Variants in C6 observed in about 807,000 individuals in gnomAD.
The protein encoded by C6 is complement C6, also known as complement component C6.
A neutral mutation model predicts 112.9 loss-of-function variants in C6; 101 were observed. The ratio of observed to expected loss-of-function variants is 0.89; its 90% confidence interval spans 0.76 to 1.06. The LOEUF is 1.06. C6 is among the 50% of genes least tolerant of loss of function. C6 has a pLI of 0.00. For missense variants in C6, 1,202 were observed against 1,104.6 expected (o/e 1.09, Z -1.25); for synonymous variants, 431 against 384.1 (o/e 1.12, Z -1.43).
Position 41,160,251 on chromosome 5 carries a change from T to C in C6, c.1575A>G (p.Pro525=), listed in dbSNP as rs371703886. The change falls in exon 11 of 18, where the codon CCA becomes CCG. Residue 525 remains proline, a synonymous_variant. Transcript: ENST00000337836. The part of the protein sequence containing the change: ...AAKFDPCQCA[P]CPNNGRPTLS... ...GGGTGGGTCGGCCATTATTAGGGCA[T>C]GGAGCACACTGGCAAGGATCGAACT... 37 of 1,613,778 alleles carry C rather than the reference T, an allele frequency of 2.3e-5. No individual in the cohort carries two copies. Among genetic ancestry groups the C allele is most frequent in the Non-Finnish European group, 3.1e-5 (37 of 1,179,862 alleles).
intron 6 of C6, among the ~76,000 whole-genome samples, chr5:41,182,582 A>ATCTTCAT (rs763347265): frequency 1.4e-4 from 21 of 152,148 alleles, no homozygotes; most frequent in Non-Finnish European, 2.6e-4. Context: ...TATTTCATCT[A>ATCTTCAT]TCTTCATAAG....
At chr5:41,215,086 C>T (rs1465296670), upstream of C6, among the ~76,000 whole-genome samples, 4 of 152,148 alleles carry the variant, frequency 2.6e-5, no homozygotes, top group South Asian at 4.1e-4. Context: ...ATATCTCACT[C>T]ATGAGTCCTT....
At chr5:41,246,237 G>A (rs1290968403) in intron 1 of C6, among the ~76,000 whole-genome samples, 1 of 152,004 alleles carries the variant, frequency 6.6e-6, no homozygotes, top group African/African-American at 2.4e-5. Flanking sequence ...CATGCCTCTT[G>A]GCTTCTTTGC....
intron 1 of C6, among the ~76,000 whole-genome samples, chr5:41,232,438 T>C (rs1369286842): frequency 6.6e-6 from 1 of 152,138 alleles, no homozygotes; most frequent in Non-Finnish European, 1.5e-5. Flanking sequence ...TTTCTTTCTC[T>C]GGTTTCTTGA....
rs1292109439 is a variant in C6 at position 41,153,841 on chromosome 5, T to C, written c.2259A>G (p.Pro753=). ...RYTCQGNSWT[P]PISNSLTCEK... is the part of the protein sequence containing the mutation. ...CACAGGTGAGAGAGTTTGAAATGGGTGGTGTCCAGGAATTCCCCTGGCATG... is the reference window on the plus strand; with the variant it reads ...CACAGGTGAGAGAGTTTGAAATGGGCGGTGTCCAGGAATTCCCCTGGCATG... The change falls in exon 15 of 18, where the codon CCA becomes CCG. Residue 753 remains proline (P), a synonymous_variant. Transcript: ENST00000337836. 3.7e-6 allele frequency: 6 copies of C among 1,613,144 alleles called. No individual in the cohort carries two copies. The highest frequency in any genetic ancestry group is 5.1e-6 in the Non-Finnish European group (6 of 1,179,720).
rs151245968 is a variant in C6, at chr5:41,154,548, G to GTAA, written c.2101+423_2101+424insTTA. On this transcript the variant is annotated intron_variant, in intron 14 of 17. Coordinates refer to ENST00000337836, the MANE Select transcript of C6 (RefSeq NM_000065.5). The stretch of plus-strand genomic sequence containing the variant: ...AACATGAACCAAGGAGTAGTGTCTT[G>GTAA]GCGAAAACTACGTCTTACACAAAAT... Among the ~76,000 whole-genome samples, 551 of 152,288 alleles carry GTAA rather than the reference G, an allele frequency of 3.6e-3. 4 individuals are homozygous for GTAA. The highest frequency in any genetic ancestry group is 0.013 in the African/African-American group (532 of 41,558).
chr5:41,193,821 G>C (rs1405411076), intron 5 of C6, among the ~76,000 whole-genome samples: 2 of 131,008 alleles, frequency 1.5e-5, no homozygotes, highest in African/African-American at 5.8e-5. Flanking sequence ...TTTGTGGTTA[G>C]AAATATGTTG....
intron 1 of C6, among the ~76,000 whole-genome samples, chr5:41,206,318 C>T (rs1257027704): frequency 6.6e-6 from 1 of 152,230 alleles, no homozygotes; most frequent in Non-Finnish European, 1.5e-5. Flanking sequence ...ACCTCTTCTC[C>T]TCCAAAGGAA....
At chr5:41,179,298 G>C (rs956592807) in intron 7 of C6, among the ~76,000 whole-genome samples, 2 of 152,146 alleles carry the variant, frequency 1.3e-5, no homozygotes, top group African/African-American at 4.8e-5. Flanking sequence ...ACATATAAGG[G>C]TTTTACAAAC....
In C6 at chr5:41,229,595, CAT is replaced by C. The variant is rs369823391; in HGVS notation, c.-20-26347_-20-26346del. Reference sequence around the variant, plus strand: ...GGTAAGACTTTTTTTTGTGGCCTAACATGTGATCTATTCTCAGTAACGTTCAG... The same window carrying C: ...GGTAAGACTTTTTTTTGTGGCCTAACGTGATCTATTCTCAGTAACGTTCAG... On this transcript the variant is annotated intron_variant, in intron 1 of 17. Coordinates refer to the C6 transcript ENST00000263413. Among the ~76,000 whole-genome samples the C allele has an allele frequency of 5.9e-4, 90 of 152,124 alleles. 1 individual carries two copies. The highest frequency in any genetic ancestry group is 2.1e-3 in the African/African-American group (86 of 41,516).
In C6 at chr5:41,149,424, G is replaced by T. The variant is rs1187237584; in HGVS notation, c.2440C>A (p.Pro814Thr). 1 of 1,614,084 alleles carries T rather than the reference G, an allele frequency of 6.2e-7. No individual in the cohort carries two copies. Among genetic ancestry groups the T allele is most frequent in the South Asian group, 1.1e-5 (1 of 91,076 alleles). The change falls in exon 17 of 18, where the codon CCC becomes ACC. Residue 814 changes from proline to threonine, a missense_variant. Coordinates refer to ENST00000337836, the MANE Select transcript of C6 (RefSeq NM_000065.5). Reference sequence around the variant, plus strand: ...TTCTCAGCCAAAAACTTACAAGCGGGTGAAGTAAAGTAATCGTTGGAGTCT... The same window carrying T: ...TTCTCAGCCAAAAACTTACAAGCGGTTGAAGTAAAGTAATCGTTGGAGTCT... ...DTDSNDYFTS[P>T]ACKFLAEKCL...
intron 1 of C6, among the ~76,000 whole-genome samples, chr5:41,251,198 A>G (rs1046012142): frequency 5.9e-5 from 9 of 152,326 alleles, no homozygotes; most frequent in East Asian, 1.9e-4. Context: ...TCAGGTTTAC[A>G]TGCAAGTTCT....
chr5:41,168,711 G>A (rs571783076), intron 9 of C6, among the ~76,000 whole-genome samples: 98 of 152,166 alleles, frequency 6.4e-4, no homozygotes, highest in African/African-American at 2.0e-3. Context: ...AGTTCCTTAC[G>A]GATGGACTAA....
At chr5:41,227,092 T>A (rs931424292) in intron 1 of C6, among the ~76,000 whole-genome samples, 1 of 152,136 alleles carries the variant, frequency 6.6e-6, no homozygotes, top group Non-Finnish European at 1.5e-5. Context: ...AAGAGTTTTC[T>A]TTCCTCCACA....
intron 1 of C6, among the ~76,000 whole-genome samples, chr5:41,223,634 G>A (rs2150406314): frequency 6.6e-6 from 1 of 152,284 alleles, no homozygotes; most frequent in South Asian, 2.1e-4. Context: ...GAACTGTTCT[G>A]TTAGGCTTAG....
chr5:41,164,380 G>A (rs1030498276), intron 9 of C6, among the ~76,000 whole-genome samples: 3 of 152,116 alleles, frequency 2.0e-5, no homozygotes, highest in Non-Finnish European at 4.4e-5. Flanking sequence ...TCTAAGCATG[G>A]GCACACCATG....
chr5:41,200,034 T>C, intron 3 of C6, 122 bp from the exon 4 acceptor site: 1 of 859,796 alleles, frequency 1.2e-6, no homozygotes. Flanking sequence ...CTTATATTTT[T>C]ACTAATGATT....
intron 1 of C6, among the ~76,000 whole-genome samples, chr5:41,241,212 G>T (rs1434711977): frequency 6.6e-6 from 1 of 152,214 alleles, no homozygotes; most frequent in Non-Finnish European, 1.5e-5. Context: ...GCTGGAGGCG[G>T]GGTGGGGTTC....
chr5:41,176,761 T>G (rs771445839), intron 7 of C6, 46 bp from the exon 8 acceptor site: 4 of 1,543,766 alleles, frequency 2.6e-6, no homozygotes, highest in Non-Finnish European at 1.8e-6. Flanking sequence ...GTAATGAAAG[T>G]TTGAAGTACC....
Sources: allele counts gnomAD v4.1 joint callset (sites outside exome capture counted in the v4.1 genomes callset), GRCh38; gene constraint gnomAD v4.1.1; transcripts MANE v1.5; gene names NCBI Gene and HGNC (gene_info 2026-07-23, HGNC 2026-07-21).